PDCD2: variants seen among roughly 807,000 people sequenced by gnomAD.
The protein encoded by PDCD2 is uS5 assembly chaperone PDCD2.
In PDCD2, 38 loss-of-function variants were observed where a neutral mutation model predicts 38.1. The ratio of observed to expected loss-of-function variants is 1.00; its 90% CI spans 0.77 to 1.31. PDCD2 has a LOEUF of 1.31. Ranked by LOEUF, PDCD2 falls within the 50% of genes most tolerant of loss-of-function variation. The probability of loss-of-function intolerance (pLI) is 0.00; values close to 1 mark genes in which losing one functional copy is unlikely to be tolerated. For synonymous variants in PDCD2, 205 were observed against 168.9 expected (o/e 1.21, Z -1.66); for missense variants, 473 against 435.7 (o/e 1.09, Z -0.76).
chr6:170,581,693 C>T (rs1278284101), intron 3 of PDCD2: 5 of 161,908 alleles, frequency 3.1e-5, no homozygotes, highest in Non-Finnish European at 6.8e-5. Context: ...CATAATTACT[C>T]GTTTCCTTTC....
At chr6:170,580,146 C>A in intron 3 of PDCD2, 41 bp from the exon 4 acceptor site, 1 of 1,212,372 alleles carries the variant, frequency 8.2e-7, no homozygotes, top group South Asian at 1.2e-5. Flanking sequence ...CAGGAGTAAT[C>A]CCCACAACTT....
At chr6:170,583,831 T>TACTC (rs113114915) in intron 1 of PDCD2, 84 bp from the exon 2 acceptor site, 509,734 of 1,025,116 alleles carry the variant, frequency 0.5, 131,563 homozygotes, top group East Asian at 0.79. Context: ...AAACTGAAAA[T>TACTC]AACAACAACA....
intron 3 of PDCD2, chr6:170,582,810 G>A: frequency 1.5e-6 from 2 of 1,317,786 alleles, no homozygotes; most frequent in Non-Finnish European, 1.9e-6. Flanking sequence ...CCAGCATCTT[G>A]TGCAGCCCTA....
intron 3 of PDCD2, among the ~76,000 whole-genome samples, chr6:170,580,814 C>A (rs1290574584): frequency 6.6e-6 from 1 of 152,162 alleles, no homozygotes; most frequent in African/African-American, 2.4e-5. Flanking sequence ...CTAAGTATAA[C>A]CATTAGTCTT....
At chr6:170,580,141 G>T (rs751378623) in intron 3 of PDCD2, 36 bp from the exon 4 acceptor site, 34 of 1,261,648 alleles carry the variant, frequency 2.7e-5, no homozygotes, top group Admixed American at 5.1e-5. Context: ...AAAAACAGGA[G>T]TAATCCCCAC....
At chr6:170,582,922 G>A (rs1263713380) in intron 3 of PDCD2, 135 bp downstream of exon 3, 43 of 1,489,930 alleles carry the variant, frequency 2.9e-5, no homozygotes, top group Non-Finnish European at 3.5e-5. Flanking sequence ...TTTACCTGAG[G>A]CAATATCTGA....
chr6:170,582,739 G>C, intron 3 of PDCD2: 1 of 1,265,070 alleles, frequency 7.9e-7, no homozygotes, highest in Non-Finnish European at 1.0e-6. Context: ...CACTGTGCTA[G>C]GCACTCACAC....
chr6:170,581,646 C>G (rs1779600234), intron 3 of PDCD2: 1 of 158,098 alleles, frequency 6.3e-6, no homozygotes. Flanking sequence ...CATTATCTTC[C>G]TCCTACGCCC....
intron 3 of PDCD2, chr6:170,581,488 C>T (rs1779594660): frequency 6.6e-6 from 1 of 152,236 alleles, no homozygotes; most frequent in Non-Finnish European, 1.5e-5. Context: ...TGAGTTCTGA[C>T]ATGGCCCTAG....
intron 3 of PDCD2, chr6:170,582,731 C>G: frequency 1.6e-6 from 2 of 1,250,532 alleles, no homozygotes; most frequent in Non-Finnish European, 2.0e-6. Context: ...GTGCCCGACA[C>G]TGTGCTAGGC....
chr6:170,581,012 C>T (rs1779579748), intron 3 of PDCD2: 1 of 152,146 alleles, frequency 6.6e-6, no homozygotes, highest in African/African-American at 2.4e-5. Flanking sequence ...ACCGTTAGGA[C>T]ACTGTAAATG....
intron 3 of PDCD2, 52 bp from the exon 4 acceptor site, chr6:170,580,157 G>C: frequency 9.2e-7 from 1 of 1,089,396 alleles, no homozygotes; most frequent in Non-Finnish European, 1.4e-6. Flanking sequence ...CCCACAACTT[G>C]ACAATTCACA....
Position 170,584,289 on chromosome 6 carries a change from G to A in PDCD2, c.283+10C>T. 2 of 1,423,660 alleles carry A rather than the reference G, an allele frequency of 1.4e-6. No homozygotes were observed. Among genetic ancestry groups the A allele is most frequent in the Non-Finnish European group, 9.2e-7 (1 of 1,092,600 alleles). 88.2% of individuals were successfully genotyped at this position (1,423,660 alleles called of 1,614,324 possible). On this transcript the variant is annotated intron_variant, in intron 1 of 5. Transcript: ENST00000541970. ...GCATGGCCCCGTCCCGACCCCGTTT[G>A]GCGGCTCACCTCGCAGGCCGGCACA... is the stretch of plus-strand genomic sequence containing the variant.
In PDCD2 at chr6:170,583,659, C is replaced by T; in HGVS notation, c.372G>A (p.Val124=). Residue 124 remains valine, a synonymous_variant, in exon 2 of 6, where the codon GTG becomes GTA. Coordinates refer to ENST00000541970, the MANE Select transcript of PDCD2 (RefSeq NM_002598.4). ...ENPPPETGES[V]CLQLKSGAHL... ...GAGCACCAGACTTAAGCTGGAGACA[C>T]ACTGATTCTCCTGTTTCTGGGGGAG... is the stretch of plus-strand genomic sequence containing the variant. The T allele has an allele frequency of 6.2e-7, 1 of 1,614,122 alleles. No individual in the cohort carries two copies. Among genetic ancestry groups the T allele is most frequent in the Non-Finnish European group, 8.5e-7 (1 of 1,179,982 alleles).
At chr6:170,584,227 G>A in intron 1 of PDCD2, 72 bp downstream of exon 1, 1 of 1,299,260 alleles carries the variant, frequency 7.7e-7, no homozygotes, top group South Asian at 2.4e-5. Context: ...CCGTCCCCCT[G>A]GTCGCTCCCG....
At chr6:170,582,647 C>A in intron 3 of PDCD2, 2 of 1,222,796 alleles carry the variant, frequency 1.6e-6, no homozygotes, top group Non-Finnish European at 2.0e-6. Flanking sequence ...AGAGTATGCA[C>A]TGTAAGTAAA....
At chr6:170,583,894 C>A in intron 1 of PDCD2, 147 bp from the exon 2 acceptor site, 1 of 720,976 alleles carries the variant, frequency 1.4e-6, no homozygotes, top group East Asian at 2.7e-5. Context: ...AATCCAGAAA[C>A]TAGATTTCGT....
rs1779690234 is a variant in PDCD2, at chr6:170,583,589, TGGAG to T, written c.438_441del (p.Cys146Ter). The T allele has an allele frequency of 6.2e-7, 1 of 1,613,828 alleles. No individual in the cohort carries two copies. Among genetic ancestry groups the T allele is most frequent in the Non-Finnish European group, 8.5e-7 (1 of 1,179,874 alleles). ...CTGCAGTAATATGCTTTGTGGCATC[TGGAG>T]CACGTTTTGGGGCCTAAACAGCCAC... On this transcript the variant is annotated frameshift_variant, in exon 2 of 6. Coordinates refer to ENST00000541970, the MANE Select transcript of PDCD2 (RefSeq NM_002598.4). LOFTEE classifies it high-confidence loss of function.
At position 170,576,800 on chromosome 6, in the gene PDCD2, T is replaced by C. The variant is rs906580137; in HGVS notation, c.*759A>G. 1 of 152,224 alleles carries C rather than the reference T, an allele frequency of 6.6e-6. No individual in the cohort carries two copies. Among genetic ancestry groups the C allele is most frequent in the Non-Finnish European group, 1.5e-5 (1 of 68,068 alleles). 9.4% of individuals were successfully genotyped at this position (152,224 alleles called of 1,614,324 possible). On this transcript the variant is annotated 3_prime_UTR_variant, in exon 6 of 6. Transcript: ENST00000541970. ...AAGACCATCGCCTTTTGCCTTTCAGTGTCTCATCTGTAAGCAGGGCCGCTG... is the reference window on the plus strand; with the variant it reads ...AAGACCATCGCCTTTTGCCTTTCAGCGTCTCATCTGTAAGCAGGGCCGCTG...
Sources: allele counts gnomAD v4.1 joint callset (sites outside exome capture counted in the v4.1 genomes callset), GRCh38; gene constraint gnomAD v4.1.1; transcripts MANE v1.5; gene names NCBI Gene and HGNC (gene_info 2026-07-23, HGNC 2026-07-21).